The following BTBD16 variants were observed in gnomAD, a reference collection of about 807,000 sequenced individuals.
The protein encoded by BTBD16 is BTB domain containing 16.
In BTBD16, 66 loss-of-function variants were observed where a neutral mutation model predicts 67.4. The ratio of observed to expected loss-of-function variants is 0.98; its 90% CI spans 0.80 to 1.20. BTBD16 has a LOEUF of 1.20. Among genes scored for constraint, BTBD16 ranks in the 50% most tolerant of loss-of-function variants. The pLI, the probability that BTBD16 is intolerant of heterozygous loss-of-function variation, is 0.00. For missense variants in BTBD16, 634 were observed against 616.0 expected, an observed-to-expected ratio of 1.03 and a Z score of -0.31; for synonymous variants, 242 against 236.4, an observed-to-expected ratio of 1.02 and a Z score of -0.22.
intron 13 of BTBD16, among the ~76,000 whole-genome samples, chr10:122,333,452 A>G (rs1333765579): frequency 6.6e-6 from 1 of 152,212 alleles, no homozygotes; most frequent in African/African-American, 2.4e-5. Flanking sequence ...TACTAAGTCT[A>G]CTACTAACTT....
intron 8 of BTBD16, among the ~76,000 whole-genome samples, chr10:122,298,125 A>C (rs560480717): frequency 1.8e-4 from 28 of 152,310 alleles, no homozygotes; most frequent in African/African-American, 6.5e-4. Flanking sequence ...CTTCCAGAAC[A>C]TTCTTGCTGG....
chr10:122,287,631 C>T (rs141385207), intron 5 of BTBD16: 2,267 of 213,750 alleles, frequency 0.011, 61 homozygotes, highest in African/African-American at 0.049. Flanking sequence ...CCTTTAAAAG[C>T]GAAAATATCT....
intron 15 of BTBD16, among the ~76,000 whole-genome samples, chr10:122,337,501 A>G (rs1403251050): frequency 2.0e-5 from 3 of 151,704 alleles, no homozygotes; most frequent in Non-Finnish European, 1.5e-5. Context: ...GTCTCGCTCT[A>G]TCGCCCAGGC....
intron 10 of BTBD16, 143 bp downstream of exon 10, chr10:122,307,451 A>G (rs1340160646): frequency 3.8e-6 from 3 of 796,312 alleles, no homozygotes; most frequent in Non-Finnish European, 5.6e-6. Flanking sequence ...ATAGGGCCTA[A>G]GATTATAGGA....
chr10:122,293,761 G>A (rs1396530532), intron 7 of BTBD16, among the ~76,000 whole-genome samples: 3 of 152,194 alleles, frequency 2.0e-5, no homozygotes, highest in African/African-American at 7.2e-5. Context: ...TTTCTGAGCA[G>A]CTATTTCCTG....
rs1039054892 is a variant in BTBD16 at position 122,282,527 on chromosome 10, A to G, written c.168-1324A>G. Among the ~76,000 whole-genome samples, 23 of 152,356 alleles carry G rather than the reference A, an allele frequency of 1.5e-4. No individual in the cohort carries two copies. The Middle Eastern group carries it at 0.01, about 68-fold the overall frequency. On this transcript the variant is annotated intron_variant, in intron 3 of 15. Transcript: ENST00000260723. ...GACAGCGTGGTGAAGTTGACACTGCATGACACAGAGCAGCTGTGGTCACAA... is the reference window on the plus strand; with the variant it reads ...GACAGCGTGGTGAAGTTGACACTGCGTGACACAGAGCAGCTGTGGTCACAA...
chr10:122,308,563 G>A (rs970203728), intron 10 of BTBD16, among the ~76,000 whole-genome samples: 9 of 152,138 alleles, frequency 5.9e-5, no homozygotes, highest in Non-Finnish European at 1.3e-4. Context: ...ATGTAGAGTG[G>A]GGGTGGCTCC....
intron 10 of BTBD16, among the ~76,000 whole-genome samples, chr10:122,318,883 C>T (rs543202140): frequency 6.6e-6 from 1 of 152,290 alleles, no homozygotes; most frequent in East Asian, 1.9e-4. Context: ...TGCTCCACAT[C>T]CTTGCTAACA....
At chr10:122,303,282 A>G (rs2096397489) in intron 9 of BTBD16, among the ~76,000 whole-genome samples, 1 of 152,232 alleles carries the variant, frequency 6.6e-6, no homozygotes, top group Non-Finnish European at 1.5e-5. Context: ...GATTTAATCT[A>G]TGTAATTTTA....
chr10:122,291,378 T>G, intron 7 of BTBD16, 184 bp downstream of exon 7: 1 of 673,960 alleles, frequency 1.5e-6, no homozygotes, highest in Non-Finnish European at 2.3e-6. Flanking sequence ...AGGTGAGCCA[T>G]CTCTCCAGCA....
rs915340043 is a variant in BTBD16, at chr10:122,338,111, T to A, written c.*26T>A. ...CAGTTTCCAGAAGAATCTATGGGAT[T>A]TTCCCCCCACTGGTCTGCATAAAAG... On this transcript the variant is annotated 3_prime_UTR_variant, in exon 16 of 16. Transcript: ENST00000260723. 1.3e-6 allele frequency: 2 copies of A among 1,535,140 alleles called. No individual in the cohort carries two copies. Among genetic ancestry groups the A allele is most frequent in the Admixed American group, 1.7e-5 (1 of 59,614 alleles).
chr10:122,283,339 C>T (rs186112341), intron 3 of BTBD16, among the ~76,000 whole-genome samples: 7 of 152,328 alleles, frequency 4.6e-5, no homozygotes, highest in Non-Finnish European at 5.9e-5. Context: ...GCTTGGGCAA[C>T]TGCAGGCTGG....
chr10:122,274,488 A>G (rs2096336099), intron 1 of BTBD16, among the ~76,000 whole-genome samples: 1 of 151,272 alleles, frequency 6.6e-6, no homozygotes, highest in South Asian at 2.1e-4. Context: ...CTTCCAATCA[A>G]TCTTAACCTC....
chr10:122,283,778 A>G, intron 3 of BTBD16, 73 bp from the exon 4 acceptor site: 1 of 1,157,432 alleles, frequency 8.6e-7, no homozygotes, highest in Non-Finnish European at 1.3e-6. Context: ...TTTATGCTAG[A>G]ATAATGCATG....
At chr10:122,305,854 C>A (rs985280701) in intron 9 of BTBD16, among the ~76,000 whole-genome samples, 1 of 152,212 alleles carries the variant, frequency 6.6e-6, no homozygotes, top group African/African-American at 2.4e-5. Context: ...GTTTTCTATT[C>A]CTGTGTCAAT....
intron 10 of BTBD16, among the ~76,000 whole-genome samples, chr10:122,312,309 C>CTTTTTTTTTTTTTTTTT (rs58045019): frequency 6.2e-4 from 66 of 105,612 alleles, no homozygotes; most frequent in Middle Eastern, 6.3e-3. Context: ...TTTTCTTTTT[C>CTTTTTTTTTTTTTTTTT]TTTTTTTTTT....
chr10:122,323,725 G>A (rs535848687), intron 10 of BTBD16, among the ~76,000 whole-genome samples: 2 of 152,282 alleles, frequency 1.3e-5, no homozygotes, highest in East Asian at 1.9e-4. Flanking sequence ...AAAGAAGGTC[G>A]ATGCTGGAAA....
At chr10:122,311,065 A>C (rs2096412968) in intron 10 of BTBD16, among the ~76,000 whole-genome samples, 1 of 152,186 alleles carries the variant, frequency 6.6e-6, no homozygotes, top group African/African-American at 2.4e-5. Context: ...ACTATACCCA[A>C]AAATAAAGAC....
intron 7 of BTBD16, chr10:122,295,346 G>C (rs1590063077): frequency 2.0e-6 from 2 of 985,280 alleles, no homozygotes; most frequent in Admixed American, 6.1e-5. Context: ...CATCAAACTG[G>C]GATAAGCCTG....
Sources: allele counts gnomAD v4.1 joint callset (sites outside exome capture counted in the v4.1 genomes callset), GRCh38; gene constraint gnomAD v4.1.1; transcripts MANE v1.5; gene names NCBI Gene and HGNC (gene_info 2026-07-23, HGNC 2026-07-21).